Variants in RBMS3 observed in about 807,000 individuals in gnomAD.
RBMS3 encodes the protein RNA binding motif single stranded interacting protein 3.
In RBMS3, 27 loss-of-function variants were observed where a neutral mutation model predicts 66.8. The observed-to-expected ratio is 0.40, with a 90% CI of 0.30 to 0.56. The LOEUF (loss-of-function observed/expected upper bound fraction) is 0.56, where lower values mean the gene tolerates loss of function less well. RBMS3 is among the 20% of genes least tolerant of loss of function. The probability of loss-of-function intolerance (pLI) is 0.40; values close to 1 mark genes in which losing one functional copy is unlikely to be tolerated. For missense variants in RBMS3, 513 were observed against 549.5 expected, an observed-to-expected ratio of 0.93 and a Z score of 0.66; for synonymous variants, 188 against 183.0, an observed-to-expected ratio of 1.03 and a Z score of -0.22.
At chr3:29,447,721 G>A (rs1255558325) in intron 2 of RBMS3, among the ~76,000 whole-genome samples, 2 of 152,190 alleles carry the variant, frequency 1.3e-5, no homozygotes, top group East Asian at 3.8e-4. Flanking sequence ...TGAAAATTGT[G>A]TGTAAAACTG....
At chr3:29,674,205 C>A (rs145303360) in intron 4 of RBMS3, among the ~76,000 whole-genome samples, 3,774 of 152,144 alleles carry the variant, frequency 0.025, 80 homozygotes, top group Non-Finnish European at 0.04. Context: ...ATTCAACAGC[C>A]CTTCATGCTA....
At position 29,991,142 on chromosome 3, in the gene RBMS3, C is replaced by A; in HGVS notation, c.1240C>A (p.Gln414Lys). 1 of 1,614,152 alleles carries A rather than the reference C, an allele frequency of 6.2e-7. No individual in the cohort carries two copies. Residue 414 changes from glutamine (Q) to lysine (K), a missense_variant, in exon 14 of 15, where the codon CAG becomes AAG. Physicochemically the swap from Gln to Lys is moderately conservative, Grantham distance 53. Transcript: ENST00000383767. ...ACCTTCATCCCAGGACACCAGTGGT[C>A]AGCAGCAACAGATAGCAGTGGACAC... ...VAPSSQDTSG[Q>K]QQQIAVDTSN... is the part of the protein sequence containing the mutation.
chr3:29,664,667 G>A (rs2050683994), intron 4 of RBMS3, among the ~76,000 whole-genome samples: 1 of 150,854 alleles, frequency 6.6e-6, no homozygotes, highest in African/African-American at 2.4e-5. Context: ...CCTGATAGTA[G>A]GCTCAGATGA....
intron 6 of RBMS3, among the ~76,000 whole-genome samples, chr3:29,770,927 G>C (rs1163419828): frequency 6.6e-6 from 1 of 151,988 alleles, no homozygotes; most frequent in East Asian, 1.9e-4. Context: ...TGTATGAATG[G>C]ATAGTATTCT....
intron 1 of RBMS3, among the ~76,000 whole-genome samples, chr3:29,328,711 C>T (rs1271402402): frequency 6.6e-6 from 1 of 152,084 alleles, no homozygotes; most frequent in African/African-American, 2.4e-5. Flanking sequence ...CTTCCCTGAC[C>T]TCCATTGGGT....
At chr3:29,962,251 A>G (rs1304523822) in intron 12 of RBMS3, among the ~76,000 whole-genome samples, 2 of 151,520 alleles carry the variant, frequency 1.3e-5, no homozygotes, top group Middle Eastern at 3.2e-3. Flanking sequence ...AAAAACTATC[A>G]GGATAAAATG....
chr3:29,903,696 T>G (rs1438330924), intron 10 of RBMS3, among the ~76,000 whole-genome samples: 1 of 152,018 alleles, frequency 6.6e-6, no homozygotes, highest in Non-Finnish European at 1.5e-5. Context: ...ATAAATCTTC[T>G]GTTCTTGATA....
intron 4 of RBMS3, among the ~76,000 whole-genome samples, chr3:29,612,976 G>A (rs989908931): frequency 1.3e-5 from 2 of 152,044 alleles, no homozygotes; most frequent in African/African-American, 2.4e-5. Flanking sequence ...TTTGGATCAA[G>A]CTTAGCTTAT....
chr3:29,528,108 ATTTTTTT>A (rs66534941), intron 3 of RBMS3, among the ~76,000 whole-genome samples: 1 of 108,158 alleles, frequency 9.2e-6, no homozygotes, highest in African/African-American at 3.8e-5. Flanking sequence ...TGCAAGCAAG[ATTTTTTT>A]TTTTTTTTTT....
At chr3:29,514,504 C>G (rs1278668907) in intron 3 of RBMS3, among the ~76,000 whole-genome samples, 1 of 151,698 alleles carries the variant, frequency 6.6e-6, no homozygotes, top group African/African-American at 2.4e-5. Context: ...GTTGCTCAAT[C>G]TAATGTGATT....
At chr3:29,472,582 G>A (rs185243145) in intron 2 of RBMS3, among the ~76,000 whole-genome samples, 29 of 152,126 alleles carry the variant, frequency 1.9e-4, no homozygotes, top group South Asian at 1.7e-3. Flanking sequence ...GGATGTGTTC[G>A]GAGTTTCTTC....
chr3:29,882,777 A>G (rs894468076), intron 7 of RBMS3, among the ~76,000 whole-genome samples: 1 of 152,074 alleles, frequency 6.6e-6, no homozygotes, highest in African/African-American at 2.4e-5. Flanking sequence ...CTCAACCACA[A>G]TGGAAAAATA....
rs1447910326 is a variant in RBMS3 at position 30,006,242 on chromosome 3, A to C, written c.*2380A>C. ...AACTAAAAAGTTTTAAAGGTAAATC[A>C]TATTCCCATTAGGTCAACATGAGTA... On this transcript the variant is annotated 3_prime_UTR_variant, in exon 15 of 15. Transcript: ENST00000383767. 6.6e-6 allele frequency: 1 copy of C among 151,930 alleles called. No individual in the cohort carries two copies. The highest frequency in any genetic ancestry group is 1.9e-4 in the East Asian group (1 of 5,192). 9.4% of individuals were successfully genotyped at this position (151,930 alleles called of 1,614,324 possible).
At chr3:29,356,127 G>C (rs903866925) in intron 1 of RBMS3, among the ~76,000 whole-genome samples, 1 of 152,142 alleles carries the variant, frequency 6.6e-6, no homozygotes, top group African/African-American at 2.4e-5. Context: ...CCAGAGAAAA[G>C]TCCTGATAAA....
chr3:29,522,346 C>T (rs1263994148), intron 3 of RBMS3, among the ~76,000 whole-genome samples: 2 of 152,154 alleles, frequency 1.3e-5, no homozygotes, highest in South Asian at 2.1e-4. Flanking sequence ...GCCCCCACCA[C>T]CATGCCCAGC....
At chr3:29,514,707 A>C (rs1312697856) in intron 3 of RBMS3, among the ~76,000 whole-genome samples, 1 of 138,892 alleles carries the variant, frequency 7.2e-6, no homozygotes, top group African/African-American at 2.8e-5. Context: ...TATGATAGGC[A>C]TATATATGTG....
At chr3:29,551,917 A>G (rs1349686867) in intron 3 of RBMS3, among the ~76,000 whole-genome samples, 1 of 152,152 alleles carries the variant, frequency 6.6e-6, no homozygotes, top group Non-Finnish European at 1.5e-5. Flanking sequence ...CCTGCTGCAC[A>G]CGCAGTACCT....
chr3:29,788,517 G>A (rs1393582546), intron 6 of RBMS3, among the ~76,000 whole-genome samples: 4 of 152,096 alleles, frequency 2.6e-5, no homozygotes, highest in Non-Finnish European at 5.9e-5. Flanking sequence ...GAGCCACTCT[G>A]CCAGGCCTGG....
chr3:29,739,475 A>AAT (rs1163896105), intron 4 of RBMS3, among the ~76,000 whole-genome samples: 4 of 151,250 alleles, frequency 2.6e-5, no homozygotes, highest in Admixed American at 2.6e-4. Flanking sequence ...AAAAAAAAAA[A>AAT]AGAAAAGTTT....
Sources: gnomAD v4.1 joint callset for allele counts (sites outside exome capture counted in the v4.1 genomes callset) on GRCh38, gnomAD v4.1.1 for gene constraint, MANE v1.5 for transcripts, NCBI Gene and HGNC (gene_info 2026-07-23, HGNC 2026-07-21) for gene names.